PPL: variants seen among roughly 807,000 people sequenced by gnomAD.
PPL encodes periplakin.
A neutral mutation model predicts 194.4 loss-of-function variants in PPL; 198 were observed. That is an observed-to-expected ratio of 1.02 (90% CI 0.91 to 1.15). The LOEUF is 1.15. PPL is among the 50% of genes most tolerant of loss of function. The pLI is 0.00. For missense variants in PPL, 2,885 were observed against 2,294.8 expected, an observed-to-expected ratio of 1.26 and a Z score of -5.25; for synonymous variants, 1,220 against 972.4, an observed-to-expected ratio of 1.25 and a Z score of -4.74.
At position 4,909,993 on chromosome 16, in the gene PPL, G is replaced by A. The variant is rs191705374; in HGVS notation, c.162+857C>T. Among the ~76,000 whole-genome samples, 13 of 152,270 alleles carry A rather than the reference G, an allele frequency of 8.5e-5. 1 individual carries two copies. The highest frequency in any genetic ancestry group is 3.1e-4 in the African/African-American group (13 of 41,556). On this transcript the variant is annotated intron_variant, in intron 2 of 21. Transcript: ENST00000345988. ...TCTCTGTCACTGACTCATCATCCCA[G>A]CCCCTTCTAAACCTCAGTTGCTCCA...
At chr16:4,897,808 GTACTGCA>G (rs2088463974) in intron 8 of PPL, 38 bp from the exon 9 acceptor site, 2 of 1,551,590 alleles carry the variant, frequency 1.3e-6, no homozygotes, top group African/African-American at 2.7e-5. Flanking sequence ...CACTGGGCAG[GTACTGCA>G]GACACCAAGG....
intron 4 of PPL, among the ~76,000 whole-genome samples, chr16:4,901,762 AAGCCC>A (rs2088576128): frequency 6.6e-6 from 1 of 151,498 alleles, no homozygotes. Context: ...CAATGTGGCA[AAGCCC>A]CGTCTCTATA....
At chr16:4,936,887 G>T in intron 1 of PPL, 97 bp downstream of exon 1, 2 of 1,253,996 alleles carry the variant, frequency 1.6e-6, no homozygotes, top group Admixed American at 2.5e-5. Context: ...CTGGACCCCC[G>T]TACCCCCCAT....
chr16:4,933,312 T>C (rs1278092741), intron 1 of PPL, among the ~76,000 whole-genome samples: 1 of 152,248 alleles, frequency 6.6e-6, no homozygotes, highest in Non-Finnish European at 1.5e-5. Flanking sequence ...GCGGCCCCAG[T>C]GTTGCAAGAC....
At chr16:4,922,764 G>A (rs775703264) in intron 1 of PPL, among the ~76,000 whole-genome samples, 1 of 130,154 alleles carries the variant, frequency 7.7e-6, no homozygotes, top group Non-Finnish European at 1.7e-5. Flanking sequence ...GCAGACCCCC[G>A]GCCGTCCACA....
At chr16:4,903,835 G>C (rs1406778593) in intron 3 of PPL, 51 bp downstream of exon 3, 1 of 1,603,886 alleles carries the variant, frequency 6.2e-7, no homozygotes, top group Non-Finnish European at 8.5e-7. Context: ...CCCCCGCCCT[G>C]GCCCATAGCC....
At chr16:4,936,925 G>A in intron 1 of PPL, 59 bp downstream of exon 1, 1 of 1,515,286 alleles carries the variant, frequency 6.6e-7, no homozygotes, top group African/African-American at 1.4e-5. Flanking sequence ...GGTCTTCCAG[G>A]TCCTGTGCGC....
At chr16:4,906,358 G>T (rs1488009697) in intron 2 of PPL, among the ~76,000 whole-genome samples, 1 of 152,026 alleles carries the variant, frequency 6.6e-6, no homozygotes, top group Non-Finnish European at 1.5e-5. Flanking sequence ...CCAAGTAACT[G>T]GGACTGCAGG....
At position 4,910,885 on chromosome 16, in the gene PPL, T is replaced by C; in HGVS notation, c.127A>G (p.Lys43Glu). 6.2e-7 allele frequency: 1 copy of C among 1,613,936 alleles called. No individual in the cohort carries two copies. Among genetic ancestry groups the C allele is most frequent in the Non-Finnish European group, 8.5e-7 (1 of 1,180,008 alleles). The change falls in exon 2 of 22, where the codon AAG becomes GAG. Residue 43 changes from lysine to glutamate, a missense_variant. By Grantham distance (56) the Lys-to-Glu change is moderately conservative. Coordinates refer to ENST00000345988, the MANE Select transcript of PPL (RefSeq NM_002705.5). ...TTGGCCTCTGTGTCCACGATGTTCT[T>C]CTCCACCTGGTCGGCATTCTTCTGC... ...QLQKNADQVE[K>E]NIVDTEAKMQ...
intron 2 of PPL, among the ~76,000 whole-genome samples, chr16:4,905,939 T>TC (rs2088673168): frequency 6.6e-6 from 1 of 152,156 alleles, no homozygotes; most frequent in African/African-American, 2.4e-5. Flanking sequence ...ACCCCATTTA[T>TC]TAAAAAATAT....
intron 2 of PPL, among the ~76,000 whole-genome samples, chr16:4,904,406 G>A (rs1203573395): frequency 1.3e-5 from 2 of 152,188 alleles, no homozygotes; most frequent in African/African-American, 2.4e-5. Context: ...CACCAGGAAG[G>A]CCAGTCAAAG....
chr16:4,891,572 C>G (rs1411394243), intron 16 of PPL: 1 of 471,450 alleles, frequency 2.1e-6, no homozygotes, highest in Non-Finnish European at 3.7e-6. Context: ...TGCCACTACA[C>G]TGGCTATTGC....
In PPL at chr16:4,913,789, T is replaced by C. The variant is rs377061825; in HGVS notation, c.63-2840A>G. 2.6e-4 allele frequency among the ~76,000 whole-genome samples: 40 copies of C among 152,312 alleles called. No homozygotes were observed. In the East Asian group the frequency reaches 5.6e-3, roughly 21 times the overall value. On this transcript the variant is annotated intron_variant, in intron 1 of 21. Transcript: ENST00000345988. Reference sequence around the variant, plus strand: ...AGTTAGCCAGCGATGATAGCTCCCCTGTCTCCACTGAAGACCCACAGTGGG... The same window carrying C: ...AGTTAGCCAGCGATGATAGCTCCCCCGTCTCCACTGAAGACCCACAGTGGG...
At chr16:4,917,877 G>A (rs1309987084) in intron 1 of PPL, among the ~76,000 whole-genome samples, 1 of 152,000 alleles carries the variant, frequency 6.6e-6, no homozygotes, top group African/African-American at 2.4e-5. Flanking sequence ...ATTCCAGCCT[G>A]GGCAATGAGA....
Position 4,902,583 on chromosome 16 carries a change from G to A in PPL, c.318-57C>T. On this transcript the variant is annotated intron_variant, in intron 3 of 21. Transcript: ENST00000345988. The surrounding 1 kb of genome is among the most constrained non-coding windows in gnomAD (Gnocchi z 4.0). ...CTGGTTGGCACTGCCTGCACCCCAGGAGGGGCCCCCCACCCAGACCCCGGC... is the reference window on the plus strand; with the variant it reads ...CTGGTTGGCACTGCCTGCACCCCAGAAGGGGCCCCCCACCCAGACCCCGGC... 1.3e-6 allele frequency: 2 copies of A among 1,583,990 alleles called. No individual in the cohort carries two copies. Among genetic ancestry groups the A allele is most frequent in the Non-Finnish European group, 8.6e-7 (1 of 1,163,902 alleles).
At position 4,890,351 on chromosome 16, in the gene PPL, T is replaced by C; in HGVS notation, c.2163-17A>G. The C allele has an allele frequency of 6.3e-7, 1 of 1,595,954 alleles. No individual in the cohort carries two copies. Reference sequence around the variant, plus strand: ...CTCTGCGCCCTGTCAAGGCAAAGCGTTCAGGCCTCAGCCACAGCAAACAGA... The same window carrying C: ...CTCTGCGCCCTGTCAAGGCAAAGCGCTCAGGCCTCAGCCACAGCAAACAGA... On this transcript the variant is annotated splice_polypyrimidine_tract_variant and intron_variant, in intron 17 of 21. Coordinates refer to ENST00000345988, the MANE Select transcript of PPL (RefSeq NM_002705.5).
At chr16:4,914,633 C>A (rs1393840464) in intron 1 of PPL, among the ~76,000 whole-genome samples, 1 of 152,212 alleles carries the variant, frequency 6.6e-6, no homozygotes, top group Non-Finnish European at 1.5e-5. Context: ...CCAACTCTTA[C>A]AAGTCTTATT....
rs149871672 is a variant in PPL at position 4,885,132 on chromosome 16, G to A, written c.3523C>T (p.Arg1175Trp). The A allele has an allele frequency of 1.6e-5, 26 of 1,613,896 alleles. No homozygotes were observed. Among genetic ancestry groups the A allele is most frequent in the Non-Finnish European group, 1.9e-5 (23 of 1,180,002 alleles). Residue 1175 changes from arginine (R) to tryptophan (W), a missense_variant, in exon 22 of 22, where the codon CGG (arginine) becomes TGG (tryptophan). Transcript: ENST00000345988. The surrounding 1 kb of genome is among the most constrained non-coding windows in gnomAD (Gnocchi z 6.3). ...TTGGGGTCTGGCCGCACGATCTCCC[G>A]CACCTTCTCCTGCACCACCACTTTG... ...NAKVVVQEKV[R>W]EIVRPDPKAE...
At chr16:4,890,590 C>T (rs1290599690) in intron 17 of PPL, 138 bp downstream of exon 17, 2 of 1,135,478 alleles carry the variant, frequency 1.8e-6, no homozygotes, top group East Asian at 5.2e-5. Flanking sequence ...AGAGAGACCA[C>T]AGGGCCGTCA....
Sources: allele counts gnomAD v4.1 joint callset (sites outside exome capture counted in the v4.1 genomes callset), GRCh38; gene constraint gnomAD v4.1.1; non-coding constraint Gnocchi (gnomAD v3.1); transcripts MANE v1.5; gene names NCBI Gene and HGNC (gene_info 2026-07-23, HGNC 2026-07-21).